Variants in GK5 observed in about 807,000 individuals in gnomAD.
GK5 encodes ATP:glycerol 3-phosphotransferase 5.
A neutral mutation model predicts 77.3 loss-of-function variants in GK5; 39 were observed. The ratio of observed to expected loss-of-function variants is 0.50; its 90% CI spans 0.39 to 0.66. The LOEUF (loss-of-function observed/expected upper bound fraction) is 0.66. GK5 is among the 30% of genes least tolerant of loss of function. GK5 has a pLI of 0.00. For synonymous variants in GK5, 211 were observed against 208.0 expected, an observed-to-expected ratio of 1.01 and a Z score of -0.13; for missense variants, 487 against 633.8, an observed-to-expected ratio of 0.77 and a Z score of 2.49.
rs2063397433 is a variant in GK5, at chr3:142,158,149, C to T, written c.*7473G>A. 1 of 152,232 alleles carries T rather than the reference C, an allele frequency of 6.6e-6. No individual in the cohort carries two copies. The highest frequency in any genetic ancestry group is 1.5e-5 in the Non-Finnish European group (1 of 68,150). 9.4% of individuals were successfully genotyped at this position (152,232 alleles called of 1,614,324 possible). A position where few individuals can be genotyped will look rare whatever the true frequency, so the allele number is the denominator to read the frequency against. ...TGTATTTTTAGTAGAGACAGGGTTTCACCATGTTAGCCAGGATGGTCTCGA... is the reference window on the plus strand; with the variant it reads ...TGTATTTTTAGTAGAGACAGGGTTTTACCATGTTAGCCAGGATGGTCTCGA... On this transcript the variant is annotated 3_prime_UTR_variant, in exon 16 of 16. Coordinates refer to ENST00000392993, the MANE Select transcript of GK5 (RefSeq NM_001039547.3).
chr3:142,207,589 C>T (rs190209017), intron 3 of GK5, among the ~76,000 whole-genome samples: 58 of 152,266 alleles, frequency 3.8e-4, no homozygotes, highest in Middle Eastern at 3.4e-3. Flanking sequence ...ATTACTTCAT[C>T]CCCATGTGAC....
Position 142,181,794 on chromosome 3 carries a change from G to A in GK5, c.944-229C>T, listed in dbSNP as rs527857652. On this transcript the variant is annotated intron_variant, in intron 10 of 15. Coordinates refer to ENST00000392993, the MANE Select transcript of GK5 (RefSeq NM_001039547.3). ...AAAACGGCCTACCTCAGAGAGCTAC[G>A]AAATGAACAAACTGAATTAACACAT... Among the ~76,000 whole-genome samples the A allele has an allele frequency of 1.5e-3, 224 of 152,188 alleles. 3 individuals carry two copies. Among genetic ancestry groups the A allele is most frequent in the Middle Eastern group, 0.01 (3 of 294 alleles).
At chr3:142,172,284 A>T in intron 13 of GK5, 69 bp downstream of exon 13, 1 of 716,306 alleles carries the variant, frequency 1.4e-6, no homozygotes, top group Non-Finnish European at 2.4e-6. Context: ...TTTTCCATTT[A>T]GTAGCAAATT....
At position 142,161,116 on chromosome 3, in the gene GK5, T is replaced by C. The variant is rs969431719; in HGVS notation, c.*4506A>G. 4.6e-5 allele frequency: 7 copies of C among 152,344 alleles called. No homozygotes were observed. Among genetic ancestry groups the C allele is most frequent in the Non-Finnish European group, 1.0e-4 (7 of 68,248 alleles). The allele number at this position is 152,344 out of a possible 1,614,324, so 9.4% of individuals were successfully genotyped here. Reference sequence around the variant, plus strand: ...GTTTTTGTTTTTGTTTTTGTTTTTTTGAAATGGAGTTTAACTCTTGTTGCC... The same window carrying C: ...GTTTTTGTTTTTGTTTTTGTTTTTTCGAAATGGAGTTTAACTCTTGTTGCC... On this transcript the variant is annotated 3_prime_UTR_variant, in exon 16 of 16. Coordinates refer to ENST00000392993, the MANE Select transcript of GK5 (RefSeq NM_001039547.3).
At chr3:142,187,664 A>T (rs761483589) in intron 6 of GK5, 40 bp downstream of exon 6, 9 of 1,410,370 alleles carry the variant, frequency 6.4e-6, no homozygotes, top group South Asian at 1.2e-5. Flanking sequence ...TCTTGATCAA[A>T]TTTCGGTTAT....
intron 1 of GK5, among the ~76,000 whole-genome samples, chr3:142,224,870 A>C (rs2064405111): frequency 6.6e-6 from 1 of 152,262 alleles, no homozygotes. Flanking sequence ...GTTTTGAAAA[A>C]TTAAAATGTA....
chr3:142,197,461 G>A (rs1401530431), intron 5 of GK5, among the ~76,000 whole-genome samples: 2 of 152,134 alleles, frequency 1.3e-5, no homozygotes, highest in Non-Finnish European at 2.9e-5. Context: ...CTGTTTACAT[G>A]ATATATCTTT....
In GK5 at chr3:142,164,740, G is replaced by A. The variant is rs1268505260; in HGVS notation, c.*882C>T. On this transcript the variant is annotated 3_prime_UTR_variant, in exon 16 of 16. Transcript: ENST00000392993. ...CTTCAAATTAAGCTCTGTCAATTAG[G>A]CACTTAATAAAAACAAAAGACATTT... 6.6e-6 allele frequency: 1 copy of A among 152,048 alleles called. No homozygotes were observed. The highest frequency in any genetic ancestry group is 1.5e-5 in the Non-Finnish European group (1 of 68,006). The allele number at this position is 152,048 out of a possible 1,614,324, so 9.4% of individuals were successfully genotyped here.
At chr3:142,199,186 C>T (rs2063981197) in intron 4 of GK5, among the ~76,000 whole-genome samples, 5 of 151,704 alleles carry the variant, frequency 3.3e-5, no homozygotes, top group Admixed American at 2.0e-4. Flanking sequence ...TTATTATAAA[C>T]TTTTTTAAAA....
rs966577938 is a variant in GK5, at chr3:142,185,149, A to G, written c.816+780T>C. On this transcript the variant is annotated intron_variant, in intron 9 of 15. Coordinates refer to ENST00000392993, the MANE Select transcript of GK5 (RefSeq NM_001039547.3). ...AAAAACAGGCTTGGCACAGTGACTC[A>G]TGCCTGTAGTCCCAGCACTTTGGGA... The G allele has an allele frequency of 1.2e-5, 12 of 979,108 alleles. No homozygotes were observed. In the African/African-American group the frequency reaches 2.1e-4, roughly 17 times the overall value. The allele number at this position is 979,108 out of a possible 1,614,324, so 60.7% of individuals were successfully genotyped here. A position where few individuals can be genotyped will look rare whatever the true frequency, so the allele number is the denominator to read the frequency against.
In GK5 at chr3:142,163,571, A is replaced by G. The variant is rs1213984478; in HGVS notation, c.*2051T>C. On this transcript the variant is annotated 3_prime_UTR_variant, in exon 16 of 16. Coordinates refer to ENST00000392993, the MANE Select transcript of GK5 (RefSeq NM_001039547.3). The stretch of plus-strand genomic sequence containing the variant: ...AGGCATGAGCCACTGCACACAGCCC[A>G]AAGTATTTATCCTTTATTTTGTGGT... 1.3e-5 allele frequency: 2 copies of G among 152,154 alleles called. No homozygotes were observed. The highest frequency in any genetic ancestry group is 2.9e-5 in the Non-Finnish European group (2 of 68,036). The allele number at this position is 152,154 out of a possible 1,614,324, so 9.4% of individuals were successfully genotyped here. A position where few individuals can be genotyped will look rare whatever the true frequency, so the allele number is the denominator to read the frequency against.
intron 15 of GK5, 60 bp downstream of exon 15, chr3:142,170,265 A>G (rs758818542): frequency 6.4e-7 from 1 of 1,561,714 alleles, no homozygotes; most frequent in African/African-American, 1.3e-5. Context: ...GAGAGGAGAA[A>G]TGCTATCTGT....
At chr3:142,215,135 C>T (rs900364313) in intron 2 of GK5, among the ~76,000 whole-genome samples, 7 of 152,126 alleles carry the variant, frequency 4.6e-5, no homozygotes, top group Admixed American at 4.6e-4. Flanking sequence ...TTCTAACATT[C>T]TTAAAGAACT....
chr3:142,224,786 C>G (rs192736407), intron 1 of GK5, among the ~76,000 whole-genome samples: 1 of 152,204 alleles, frequency 6.6e-6, no homozygotes, highest in Admixed American at 6.5e-5. Flanking sequence ...AGAGAATAAA[C>G]TTAAATTCTA....
chr3:142,189,009 C>G (rs1475609767), intron 5 of GK5, among the ~76,000 whole-genome samples: 1 of 152,182 alleles, frequency 6.6e-6, no homozygotes, highest in East Asian at 1.9e-4. Context: ...TCAAGACCAG[C>G]ATTTCCTGGC....
chr3:142,187,719 A>G lies in GK5; in HGVS notation c.604T>C (p.Tyr202His). 1 of 1,610,464 alleles carries G rather than the reference A, an allele frequency of 6.2e-7. No individual in the cohort carries two copies. The highest frequency in any genetic ancestry group is 1.1e-5 in the South Asian group (1 of 90,104). ...TCATCTTTACCTTTTGTGAGCTTAT[A>G]TAACAACCAGGTATCAATAGTCCCA... ...CFGTIDTWLL[Y>H]KLTKGSVYAT... The change falls in exon 6 of 16, where the codon TAT (tyrosine) becomes CAT (histidine). Residue 202 changes from tyrosine (Y) to histidine (H), a missense_variant. Transcript: ENST00000392993.
chr3:142,198,547 G>A (rs1360357382), intron 5 of GK5, among the ~76,000 whole-genome samples: 1 of 152,172 alleles, frequency 6.6e-6, no homozygotes, highest in Non-Finnish European at 1.5e-5. Flanking sequence ...CTGGGAGCTG[G>A]AGATTGCAGT....
chr3:142,211,028 G>A (rs1005493184), intron 3 of GK5, among the ~76,000 whole-genome samples: 1 of 152,198 alleles, frequency 6.6e-6, no homozygotes, highest in African/African-American at 2.4e-5. Flanking sequence ...GCAGGGACCC[G>A]CAGTCCAAAT....
chr3:142,195,864 T>C (rs550088000), intron 5 of GK5, among the ~76,000 whole-genome samples: 6 of 152,200 alleles, frequency 3.9e-5, no homozygotes, highest in Non-Finnish European at 8.8e-5. Flanking sequence ...AATTGTCTAT[T>C]TTCCCCTTCT....
Sources: allele counts gnomAD v4.1 joint callset (sites outside exome capture counted in the v4.1 genomes callset), GRCh38; gene constraint gnomAD v4.1.1; transcripts MANE v1.5; gene names NCBI Gene and HGNC (gene_info 2026-07-23, HGNC 2026-07-21).